Variants in AGAP2 observed in about 807,000 individuals in gnomAD.
The protein encoded by AGAP2 is arf-GAP with GTPase, ANK repeat and PH domain-containing protein 2.
AGAP2 carries 32 observed loss-of-function variants against 110.9 expected under a neutral mutation model. The ratio of observed to expected loss-of-function variants is 0.29; its 90% CI spans 0.22 to 0.39. The LOEUF (loss-of-function observed/expected upper bound fraction) is 0.39. AGAP2 is among the 10% of genes least tolerant of loss of function. The pLI, the probability that AGAP2 is intolerant of heterozygous loss-of-function variation, is 1.00. For synonymous variants in AGAP2, 702 were observed against 713.0 expected, an observed-to-expected ratio of 0.98 and a Z score of 0.25; for missense variants, 1,285 against 1,638.5, an observed-to-expected ratio of 0.78 and a Z score of 3.72.
rs1420160331 is a variant in AGAP2, at chr12:57,728,092, G to C, written c.2618-7C>G. 6.3e-7 allele frequency: 1 copy of C among 1,586,572 alleles called. No individual in the cohort carries two copies. On this transcript the variant is annotated splice_polypyrimidine_tract_variant and splice_region_variant and intron_variant, in intron 14 of 18. Coordinates refer to ENST00000547588, the MANE Select transcript of AGAP2 (RefSeq NM_001122772.3). ...AGGAACTCAAAGTTTTCCTCTGAGT[G>C]GGGGATGGGATGGGGTCATTAAGGG... is the stretch of plus-strand genomic sequence containing the variant.
At chr12:57,739,150 G>T (rs1955046183), upstream of AGAP2, among the ~76,000 whole-genome samples, 1 of 152,114 alleles carries the variant, frequency 6.6e-6, no homozygotes, top group African/African-American at 2.4e-5. Context: ...GCGCACCAAG[G>T]TTAGGAAGCG....
chr12:57,735,374 G>T lies in AGAP2; in HGVS notation c.1222C>A (p.Arg408Ser), dbSNP rs748818725. Residue 408 changes from arginine (R) to serine (S), a missense_variant, in exon 2 of 19, where the codon CGC (arginine) becomes AGC (serine). Coordinates refer to ENST00000547588, the MANE Select transcript of AGAP2 (RefSeq NM_001122772.3). The part of the protein sequence containing the change: ...WTLSRSIPEL[R>S]LGVLGDARSG... ...AAGGGGACTGGGTTACCTACCAGGCGCAGTTCAGGAATGGAGCGGCTCAAA... is the reference window on the plus strand; with the variant it reads ...AAGGGGACTGGGTTACCTACCAGGCTCAGTTCAGGAATGGAGCGGCTCAAA... 5.0e-6 allele frequency: 8 copies of T among 1,613,892 alleles called. No individual in the cohort carries two copies. Among genetic ancestry groups the T allele is most frequent in the Non-Finnish European group, 5.9e-6 (7 of 1,179,930 alleles).
rs557184124 is a variant in AGAP2, at chr12:57,731,135, C to T, written c.2146-182G>A. Among the ~76,000 whole-genome samples, 5 of 152,286 alleles carry T rather than the reference C, an allele frequency of 3.3e-5. No individual in the cohort carries two copies. The South Asian group carries it at 8.3e-4, about 25-fold the overall frequency. On this transcript the variant is annotated intron_variant, in intron 10 of 18. Transcript: ENST00000547588. ...CCCAGCAATTGTCTCCTCCAGAAAGCGTTCCCTTCCTGGGTGCTCTCCCAC... is the reference window on the plus strand; with the variant it reads ...CCCAGCAATTGTCTCCTCCAGAAAGTGTTCCCTTCCTGGGTGCTCTCCCAC...
intron 5 of AGAP2, among the ~76,000 whole-genome samples, 183 bp from the exon 6 acceptor site, chr12:57,733,162 G>C (rs942892417): frequency 6.6e-6 from 1 of 151,878 alleles, no homozygotes; most frequent in Admixed American, 6.6e-5. Context: ...ACTGGGCCCA[G>C]TTCACACACC....
intron 7 of AGAP2, among the ~76,000 whole-genome samples, 153 bp downstream of exon 7, chr12:57,732,250 C>G (rs531611170): frequency 1.3e-5 from 2 of 152,298 alleles, no homozygotes; most frequent in Non-Finnish European, 2.9e-5. Flanking sequence ...TGGTTGATTT[C>G]CAGTCCAATG....
intron 17 of AGAP2, 22 bp from the exon 18 acceptor site, chr12:57,727,251 G>A: frequency 6.2e-7 from 1 of 1,612,550 alleles, no homozygotes; most frequent in Non-Finnish European, 8.5e-7. Context: ...GGGATCAACG[G>A]AAAAGGCTCT....
chr12:57,737,518 G>T lies in AGAP2; in HGVS notation c.729C>A (p.Ala243=), dbSNP rs775027916. 1 of 1,568,744 alleles carries T rather than the reference G, an allele frequency of 6.4e-7. No homozygotes were observed. Among genetic ancestry groups the T allele is most frequent in the South Asian group, 1.2e-5 (1 of 86,596 alleles). The change falls in exon 1 of 19, where the codon GCC becomes GCA. Residue 243 remains alanine, a synonymous_variant. Coordinates refer to ENST00000547588, the MANE Select transcript of AGAP2 (RefSeq NM_001122772.3). The surrounding 1 kb of genome is among the most constrained non-coding windows in gnomAD (Gnocchi z 5.9). The part of the protein sequence containing the change: ...SVSAAATAAA[A]GGGGSTASTS... ...TCGAAGCTGTAGAGCCCCCTCCCCC[G>T]GCGGCGGCGGCGGTGGCGGCGGCAG...
chr12:57,727,063 C>A lies in AGAP2; in HGVS notation c.3247G>T (p.Asp1083Tyr). ...LLAHARHGPL[D>Y]TSVEDPQLRS... Reference sequence around the variant, plus strand: ...AGCTGTGGGTCCTCTACGCTGGTGTCGAGCGGCCCGTGTCGCGCATGGGCC... The same window carrying A: ...AGCTGTGGGTCCTCTACGCTGGTGTAGAGCGGCCCGTGTCGCGCATGGGCC... Residue 1083 changes from aspartate to tyrosine, a missense_variant, in exon 18 of 19, where the codon GAC (aspartate) becomes TAC (tyrosine). Physicochemically the swap from Asp to Tyr is radical, Grantham distance 160. This residue lies in a region of AGAP2 where 201 missense variants were observed against 276.1 expected (regional missense o/e 0.73). Transcript: ENST00000547588. 1 of 1,600,180 alleles carries A rather than the reference C, an allele frequency of 6.2e-7. No homozygotes were observed. The highest frequency in any genetic ancestry group is 1.3e-5 in the African/African-American group (1 of 74,852).
chr12:57,727,674 C>T lies in AGAP2; in HGVS notation c.2857+7G>A, dbSNP rs769803173. The T allele has an allele frequency of 1.0e-4, 164 of 1,603,658 alleles. 1 individual carries two copies. The South Asian group carries it at 1.4e-3, about 13-fold the overall frequency. The stretch of plus-strand genomic sequence containing the variant: ...CCCTAGCCCCTCCGCTGCCTCCTGG[C>T]ACTCACTGGGGGCCCCGCAGTCCAC... On this transcript the variant is annotated splice_region_variant and intron_variant, in intron 16 of 18. Coordinates refer to ENST00000547588, the MANE Select transcript of AGAP2 (RefSeq NM_001122772.3).
intron 13 of AGAP2, among the ~76,000 whole-genome samples, chr12:57,728,914 G>A (rs774508919): frequency 1.3e-5 from 2 of 152,050 alleles, no homozygotes; most frequent in African/African-American, 4.8e-5. Context: ...AATCCCCACC[G>A]CCTGTAATCC....
In AGAP2 at chr12:57,726,961, C is replaced by T. The variant is rs749616066; in HGVS notation, c.3336+13G>A. The T allele has an allele frequency of 1.9e-6, 3 of 1,540,768 alleles. No homozygotes were observed. The highest frequency in any genetic ancestry group is 2.4e-5 in the South Asian group (2 of 82,196). ...GCCTCAAAGACCCCCTTTCCTCCCC[C>T]CAGCTCACGTACCCACAGCAGCAGT... On this transcript the variant is annotated intron_variant, in intron 18 of 18. Transcript: ENST00000547588. This position sits in a 1 kb window ranked among gnomAD's most constrained non-coding sequence, Gnocchi z 5.7.
chr12:57,731,632 C>T lies in AGAP2; in HGVS notation c.1964G>A (p.Gly655Asp), dbSNP rs749891549. Residue 655 changes from glycine to aspartate, a missense_variant, in exon 9 of 19, where the codon GGT (glycine) becomes GAT (aspartate). Gly to Asp is a moderately conservative substitution (Grantham distance 94). Around this residue, in one of 7 missense-constraint regions of AGAP2, gnomAD observed 844 missense variants for 941.2 expected, o/e 0.90. Coordinates refer to ENST00000547588, the MANE Select transcript of AGAP2 (RefSeq NM_001122772.3). Reference sequence around the variant, plus strand: ...CAAGCTTCGTTTCTCGGAGTCACTACCCCGACGATTCTGGAATGGTTATTG... The same window carrying T: ...CAAGCTTCGTTTCTCGGAGTCACTATCCCGACGATTCTGGAATGGTTATTG... Reference protein sequence around the residue: ...RRTSLFANRRGSDSEKRSLDS... With the variant: ...RRTSLFANRRDSDSEKRSLDS... 1.9e-6 allele frequency: 3 copies of T among 1,614,082 alleles called. No individual in the cohort carries two copies. The highest frequency in any genetic ancestry group is 1.1e-5 in the South Asian group (1 of 91,074).
In AGAP2 at chr12:57,738,093, G is replaced by A; in HGVS notation, c.154C>T (p.Pro52Ser). ...TCCTCCGCGCCTCGGGGGCTGCCAG[G>A]ATCCCCAGTCTCGGAGCCTCTGGCA... ...AGARGSETGD[P>S]GSPRGAEEPG... The change falls in exon 1 of 19, where the codon CCT becomes TCT. Residue 52 changes from proline to serine, a missense_variant. Pro to Ser is a moderately conservative substitution (Grantham distance 74). This residue lies in a region of AGAP2 where 844 missense variants were observed against 941.2 expected (regional missense o/e 0.90). Transcript: ENST00000547588. This position sits in a 1 kb window ranked among gnomAD's most constrained non-coding sequence, Gnocchi z 6.7. 2 of 1,524,714 alleles carry A rather than the reference G, an allele frequency of 1.3e-6. No individual in the cohort carries two copies. Among genetic ancestry groups the A allele is most frequent in the African/African-American group, 1.4e-5 (1 of 71,408 alleles). 94.4% of individuals were successfully genotyped at this position (1,524,714 alleles called of 1,614,324 possible).
At chr12:57,725,050 T>C, downstream of AGAP2, 1 of 152,608 alleles carries the variant, frequency 6.6e-6, no homozygotes, top group African/African-American at 2.4e-5. Context: ...TTGTACATGA[T>C]GGAACCACCT....
chr12:57,739,942 G>A (rs779376031), upstream of AGAP2: 7 of 152,312 alleles, frequency 4.6e-5, no homozygotes, highest in Non-Finnish European at 1.0e-4. Context: ...AGGGGTCTTG[G>A]AGTTCAAGGC....
chr12:57,738,053 C>T lies in AGAP2; in HGVS notation c.194G>A (p.Arg65Gln), dbSNP rs1364420406. Residue 65 changes from arginine to glutamine, a missense_variant, in exon 1 of 19, where the codon CGG becomes CAG. Physicochemically the swap from Arg to Gln is conservative, Grantham distance 43 (BLOSUM62 1). Coordinates refer to ENST00000547588, the MANE Select transcript of AGAP2 (RefSeq NM_001122772.3). This position sits in a 1 kb window ranked among gnomAD's most constrained non-coding sequence, Gnocchi z 6.7. ...CTGCCGGTGGAAGAGACGTTCGTGC[C>T]GCTTCTTGCCCGGCTCCTCCGCGCC... ...PRGAEEPGKK[R>Q]HERLFHRQDA... 6.6e-7 allele frequency: 1 copy of T among 1,522,816 alleles called. No homozygotes were observed. Among genetic ancestry groups the T allele is most frequent in the Non-Finnish European group, 8.8e-7 (1 of 1,140,840 alleles). The allele number at this position is 1,522,816 out of a possible 1,614,324, so 94.3% of individuals were successfully genotyped here. A position where few individuals can be genotyped will look rare whatever the true frequency, so the allele number is the denominator to read the frequency against.
At chr12:57,725,166 GCCT>G (rs1355343395), downstream of AGAP2, 1 of 152,796 alleles carries the variant, frequency 6.5e-6, no homozygotes, top group African/African-American at 2.4e-5. Flanking sequence ...GCCCTGACCT[GCCT>G]CCAAGAACAG....
intron 12 of AGAP2, 136 bp from the exon 13 acceptor site, chr12:57,729,903 C>G (rs1595084719): frequency 7.9e-7 from 1 of 1,267,852 alleles, no homozygotes; most frequent in Non-Finnish European, 1.1e-6. Flanking sequence ...CAGGAGTTCC[C>G]CCTTGATCAT....
intron 1 of AGAP2, 127 bp from the exon 2 acceptor site, chr12:57,735,554 G>A: frequency 1.2e-6 from 1 of 844,604 alleles, no homozygotes; most frequent in African/African-American, 1.7e-5. Context: ...GGAGAGGTGT[G>A]TGCAACAGAC....
Sources: allele counts gnomAD v4.1 joint callset (sites outside exome capture counted in the v4.1 genomes callset), GRCh38; gene constraint gnomAD v4.1.1; regional missense constraint gnomAD v4.1.1; non-coding constraint Gnocchi (gnomAD v3.1); transcripts MANE v1.5; gene names NCBI Gene and HGNC (gene_info 2026-07-23, HGNC 2026-07-21).